Variants in CNOT2 observed in about 807,000 individuals in gnomAD.
CNOT2 encodes the protein CCR4-NOT transcription complex subunit 2.
A neutral mutation model predicts 72.1 loss-of-function variants in CNOT2; 7 were observed. The observed-to-expected ratio is 0.10, with a 90% CI of 0.06 to 0.18. The LOEUF is 0.18. CNOT2 is among the 10% of genes least tolerant of loss of function. CNOT2 has a pLI of 1.00. For missense variants in CNOT2, 345 were observed against 660.3 expected, an observed-to-expected ratio of 0.52 and a Z score of 5.23; for synonymous variants, 196 against 225.6, an observed-to-expected ratio of 0.87 and a Z score of 1.17.
At chr12:70,250,095 A>G (rs551986479) in intron 1 of CNOT2, among the ~76,000 whole-genome samples, 100 of 152,266 alleles carry the variant, frequency 6.6e-4, no homozygotes, top group African/African-American at 2.1e-3. Flanking sequence ...TTGGTATACA[A>G]TGCACTTGTG....
At chr12:70,297,302 C>G (rs1176502560) in intron 2 of CNOT2, among the ~76,000 whole-genome samples, 1 of 152,160 alleles carries the variant, frequency 6.6e-6, no homozygotes, top group African/African-American at 2.4e-5. Context: ...GTATATCTTG[C>G]AGTTAGCAGT....
intron 1 of CNOT2, among the ~76,000 whole-genome samples, chr12:70,250,460 A>G (rs1958087359): frequency 6.6e-6 from 1 of 152,086 alleles, no homozygotes; most frequent in African/African-American, 2.4e-5. Context: ...TCTCTGCTTG[A>G]CATTGTTATT....
rs185381522 is a variant in CNOT2 at position 70,354,795 on chromosome 12, A to C, written c.*880A>C. 6.6e-6 allele frequency: 1 copy of C among 152,562 alleles called. No homozygotes were observed. The highest frequency in any genetic ancestry group is 1.5e-5 in the Non-Finnish European group (1 of 68,014). The allele number at this position is 152,562 out of a possible 1,614,324, so 9.5% of individuals were successfully genotyped here. A position where few individuals can be genotyped will look rare whatever the true frequency, so the allele number is the denominator to read the frequency against. On this transcript the variant is annotated 3_prime_UTR_variant, in exon 16 of 16. Transcript: ENST00000229195. ...AGGGGACTTTGTCGCCCTGTGCACTAAAAGGGCCAGATTTTCAGCAGCCAA... is the reference window on the plus strand; with the variant it reads ...AGGGGACTTTGTCGCCCTGTGCACTCAAAGGGCCAGATTTTCAGCAGCCAA...
chr12:70,267,481 C>A (rs913654717), intron 1 of CNOT2, among the ~76,000 whole-genome samples: 4 of 152,168 alleles, frequency 2.6e-5, no homozygotes, highest in African/African-American at 9.7e-5. Flanking sequence ...AGTATGACTT[C>A]CTGTTAATTT....
intron 11 of CNOT2, among the ~76,000 whole-genome samples, 190 bp downstream of exon 11, chr12:70,339,012 TTATGTGTGTG>T (rs1881087401): frequency 9.2e-6 from 1 of 108,188 alleles, no homozygotes; most frequent in African/African-American, 4.3e-5. Flanking sequence ...ATTTGGCATT[TTATGTGTGTG>T]TGTGTGTGTG....
chr12:70,303,233 T>G (rs1032895213), intron 2 of CNOT2, among the ~76,000 whole-genome samples: 1 of 152,212 alleles, frequency 6.6e-6, no homozygotes, highest in Non-Finnish European at 1.5e-5. Flanking sequence ...GTTAGTATTG[T>G]TATGTGTGAA....
intron 1 of CNOT2, among the ~76,000 whole-genome samples, chr12:70,264,212 C>A (rs1251502976): frequency 6.6e-6 from 1 of 152,088 alleles, no homozygotes; most frequent in East Asian, 1.9e-4. Flanking sequence ...GAGGTCTGTT[C>A]CTAGCTATCT....
intron 3 of CNOT2, among the ~76,000 whole-genome samples, chr12:70,317,570 G>A (rs1011647459): frequency 6.8e-6 from 1 of 147,640 alleles, no homozygotes; most frequent in African/African-American, 2.5e-5. Flanking sequence ...TATCTAGGTT[G>A]CACAACCTCT....
intron 9 of CNOT2, 60 bp downstream of exon 9, chr12:70,337,573 T>C (rs1880874420): frequency 4.0e-6 from 6 of 1,490,578 alleles, no homozygotes; most frequent in Non-Finnish European, 5.6e-6. Context: ...ATTTCTCTTA[T>C]ATTAACAATT....
chr12:70,300,725 A>G (rs1449244500), intron 2 of CNOT2, among the ~76,000 whole-genome samples: 2 of 151,702 alleles, frequency 1.3e-5, no homozygotes. Flanking sequence ...TGCCATATGA[A>G]CTTTAAAGTA....
At position 70,266,100 on chromosome 12, in the gene CNOT2, T is replaced by TATC. The variant is rs562477676; in HGVS notation, c.-95-12030_-95-12029insCAT. Among the ~76,000 whole-genome samples the TATC allele has an allele frequency of 1.8e-3, 268 of 146,134 alleles. 2 individuals carry two copies. The highest frequency in any genetic ancestry group is 6.9e-3 in the African/African-American group (252 of 36,564). ...TTGTAATCTACTGTCGTTGATGTTG[T>TATC]ATTATTATTATTATTATTATTTTTC... On this transcript the variant is annotated intron_variant, in intron 1 of 15. Coordinates refer to ENST00000229195, the MANE Select transcript of CNOT2 (RefSeq NM_014515.7).
At chr12:70,268,010 G>A (rs1004292932) in intron 1 of CNOT2, among the ~76,000 whole-genome samples, 2 of 152,130 alleles carry the variant, frequency 1.3e-5, no homozygotes, top group Non-Finnish European at 2.9e-5. Flanking sequence ...GACCCTTTAC[G>A]AAAAAGTTTG....
chr12:70,341,298 C>G (rs1305604753), intron 11 of CNOT2, among the ~76,000 whole-genome samples: 2 of 152,168 alleles, frequency 1.3e-5, no homozygotes, highest in African/African-American at 4.8e-5. Flanking sequence ...TCACTGGCCA[C>G]CTTGTTATAT....
intron 1 of CNOT2, among the ~76,000 whole-genome samples, chr12:70,256,434 A>G (rs564737970): frequency 2.0e-5 from 3 of 152,244 alleles, no homozygotes; most frequent in East Asian, 1.9e-4. Context: ...AAGTTTCTCT[A>G]TAACTTACCT....
intron 8 of CNOT2, 123 bp from the exon 9 acceptor site, chr12:70,337,266 C>T (rs1880828897): frequency 2.9e-6 from 2 of 696,608 alleles, no homozygotes; most frequent in East Asian, 5.5e-5. Context: ...TTGAAGTACG[C>T]TTTCATAGCA....
At chr12:70,303,175 G>T (rs111333310) in intron 2 of CNOT2, among the ~76,000 whole-genome samples, 11,779 of 151,476 alleles carry the variant, frequency 0.078, 539 homozygotes, top group Admixed American at 0.15. Flanking sequence ...TATCCAATTT[G>T]CCAGTCTGTG....
intron 11 of CNOT2, among the ~76,000 whole-genome samples, chr12:70,341,358 C>G (rs1467633292): frequency 6.6e-6 from 1 of 152,128 alleles, no homozygotes; most frequent in Non-Finnish European, 1.5e-5. Flanking sequence ...GGAGTTCCCT[C>G]AGACTAGAAG....
chr12:70,283,509 A>AT (rs71098086), intron 2 of CNOT2, among the ~76,000 whole-genome samples: 7 of 151,528 alleles, frequency 4.6e-5, no homozygotes, highest in Non-Finnish European at 1.0e-4. Flanking sequence ...AGATAGATAG[A>AT]ATTTTATTAA....
chr12:70,273,400 C>G (rs1255607828), intron 1 of CNOT2, among the ~76,000 whole-genome samples: 1 of 152,176 alleles, frequency 6.6e-6, no homozygotes, highest in East Asian at 1.9e-4. Context: ...AGATATCTAC[C>G]ATACTCTCTT....
Sources: allele counts gnomAD v4.1 joint callset (sites outside exome capture counted in the v4.1 genomes callset), GRCh38; gene constraint gnomAD v4.1.1; transcripts MANE v1.5; gene names NCBI Gene and HGNC (gene_info 2026-07-23, HGNC 2026-07-21).